RALGAPA1: variants seen among roughly 807,000 people sequenced by gnomAD.
The protein encoded by RALGAPA1 is Ral GTPase activating protein catalytic subunit alpha 1, also known as ral GTPase-activating protein subunit alpha-1.
A neutral mutation model predicts 269.6 loss-of-function variants in RALGAPA1; 52 were observed. The ratio of observed to expected loss-of-function variants is 0.19; its 90% confidence interval spans 0.15 to 0.24. The LOEUF (loss-of-function observed/expected upper bound fraction) is 0.24, where lower values mean the gene tolerates loss of function less well. Ranked by LOEUF, RALGAPA1 falls within the 10% of genes least tolerant of loss-of-function variation. The pLI is 1.00. For synonymous variants in RALGAPA1, 817 were observed against 1,008.3 expected (o/e 0.81, Z 3.60); for missense variants, 1,917 against 3,013.9 (o/e 0.64, Z 8.52).
Position 35,593,138 on chromosome 14 carries a change from A to T in RALGAPA1, c.7209+2496T>A, listed in dbSNP as rs115262352. On this transcript the variant is annotated intron_variant, in intron 37 of 41. Transcript: ENST00000680220. ...CCACAAAAACAGTGTTACAACTAAC[A>T]TATGAATTCAGTAATGGTGCAGGAT... Among the ~76,000 whole-genome samples, 657 of 152,328 alleles carry T rather than the reference A, an allele frequency of 4.3e-3. 7 individuals carry two copies. The highest frequency in any genetic ancestry group is 0.015 in the African/African-American group (632 of 41,576).
intron 39 of RALGAPA1, among the ~76,000 whole-genome samples, chr14:35,568,701 G>T (rs1003609470): frequency 1.3e-5 from 2 of 152,120 alleles, no homozygotes; most frequent in Non-Finnish European, 2.9e-5. Flanking sequence ...GCTCAGCAGG[G>T]TTCACAAAAA....
intron 5 of RALGAPA1, among the ~76,000 whole-genome samples, chr14:35,761,926 T>G (rs2073736193): frequency 6.6e-6 from 1 of 152,234 alleles, no homozygotes; most frequent in Non-Finnish European, 1.5e-5. Context: ...CAAAAGCACC[T>G]GTAATAATGT....
intron 11 of RALGAPA1, among the ~76,000 whole-genome samples, chr14:35,740,277 G>C (rs115942240): frequency 2.0e-4 from 30 of 152,274 alleles, no homozygotes; most frequent in African/African-American, 7.2e-4. Context: ...GTCTGCTCAT[G>C]TTTCTACCTC....
chr14:35,654,501 T>C (rs1302549067), intron 29 of RALGAPA1, 24 bp from the exon 30 acceptor site: 5 of 1,568,226 alleles, frequency 3.2e-6, no homozygotes, highest in Non-Finnish European at 3.4e-6. Flanking sequence ...AAAAAAGTTT[T>C]AAAAATTTTC....
At chr14:35,633,510 C>T (rs2061486037) in intron 33 of RALGAPA1, among the ~76,000 whole-genome samples, 1 of 152,102 alleles carries the variant, frequency 6.6e-6, no homozygotes, top group Non-Finnish European at 1.5e-5. Context: ...AGTCAGTACA[C>T]TTTTTCTATG....
Position 35,539,486 on chromosome 14 carries a change from A to G in RALGAPA1, c.*228T>C. The G allele has an allele frequency of 6.4e-7, 1 of 1,573,442 alleles. No individual in the cohort carries two copies. Among genetic ancestry groups the G allele is most frequent in the South Asian group, 1.2e-5 (1 of 83,528 alleles). ...CAGACATGAAGGCCTGAAAGGGTTAACCCTATGTTCGTGCTAAGGTGGCTA... is the reference window on the plus strand; with the variant it reads ...CAGACATGAAGGCCTGAAAGGGTTAGCCCTATGTTCGTGCTAAGGTGGCTA... On this transcript the variant is annotated 3_prime_UTR_variant, in exon 42 of 42. Transcript: ENST00000680220.
At chr14:35,548,416 T>C (rs1157142958) in intron 41 of RALGAPA1, 92 bp downstream of exon 41, 2 of 853,390 alleles carry the variant, frequency 2.3e-6, no homozygotes, top group Non-Finnish European at 3.6e-6. Context: ...TAAGTTTACT[T>C]ATTGTTTAAG....
intron 12 of RALGAPA1, among the ~76,000 whole-genome samples, chr14:35,729,903 G>A (rs925413874): frequency 2.0e-5 from 3 of 152,114 alleles, no homozygotes; most frequent in Admixed American, 1.3e-4. Flanking sequence ...TTGCAGCTCC[G>A]ACTTGGACAG....
rs566447498 is a variant in RALGAPA1, at chr14:35,661,807, G to A, written c.5329-2611C>T. 2.2e-4 allele frequency among the ~76,000 whole-genome samples: 33 copies of A among 152,242 alleles called. No individual in the cohort carries two copies. In the South Asian group the frequency reaches 6.6e-3, roughly 31 times the overall value. On this transcript the variant is annotated intron_variant, in intron 27 of 41. Transcript: ENST00000680220. ...TCTATGTAATATAGTCTGTCTTAAG[G>A]GCTGGAGACAAGAAGTTAGCTAAGA...
At chr14:35,692,082 A>G (rs773450992) in intron 17 of RALGAPA1, among the ~76,000 whole-genome samples, 7 of 152,138 alleles carry the variant, frequency 4.6e-5, no homozygotes, top group Non-Finnish European at 1.0e-4. Flanking sequence ...TACATCTGCC[A>G]TAAGAGATCA....
chr14:35,769,415 G>A (rs966128824), intron 4 of RALGAPA1, among the ~76,000 whole-genome samples: 4 of 152,016 alleles, frequency 2.6e-5, no homozygotes, highest in East Asian at 3.9e-4. Flanking sequence ...ACTCATGGAC[G>A]TAAAAATGGC....
Position 35,688,860 on chromosome 14 carries a change from A to AAG in RALGAPA1, c.3549_3550dup (p.Phe1184SerfsTer24). Reference sequence around the variant, plus strand: ...GCTGCTATTGCTGCTACCACTACTAAAGCCACCGAGCTTCCGCAGTCTCAT... The same window carrying AAG: ...GCTGCTATTGCTGCTACCACTACTAAAGAGCCACCGAGCTTCCGCAGTCTCAT... On this transcript the variant is annotated frameshift_variant, in exon 18 of 42. Coordinates refer to ENST00000680220, the MANE Select transcript of RALGAPA1 (RefSeq NM_001346249.2). LOFTEE classifies it high-confidence loss of function. 7.8e-7 allele frequency: 1 copy of AAG among 1,288,998 alleles called. No homozygotes were observed. Among genetic ancestry groups the AAG allele is most frequent in the Non-Finnish European group, 9.8e-7 (1 of 1,021,210 alleles). 79.8% of individuals were successfully genotyped at this position (1,288,998 alleles called of 1,614,324 possible). A position where few individuals can be genotyped will look rare whatever the true frequency, so the allele number is the denominator to read the frequency against.
At chr14:35,672,149 T>C (rs777380850) in intron 25 of RALGAPA1, among the ~76,000 whole-genome samples, 2 of 152,204 alleles carry the variant, frequency 1.3e-5, no homozygotes, top group Non-Finnish European at 2.9e-5. Context: ...ACTTGAGACA[T>C]GTTTACAAGG....
chr14:35,581,320 A>G (rs1251555979), intron 37 of RALGAPA1, among the ~76,000 whole-genome samples: 3 of 152,162 alleles, frequency 2.0e-5, no homozygotes, highest in African/African-American at 7.2e-5. Context: ...ATCAGTATAT[A>G]GAGAAATCAA....
chr14:35,693,043 A>G (rs2066623403), intron 17 of RALGAPA1, among the ~76,000 whole-genome samples: 1 of 152,010 alleles, frequency 6.6e-6, no homozygotes, highest in Non-Finnish European at 1.5e-5. Flanking sequence ...ACACAACTAC[A>G]AAGTGAGGAG....
Position 35,742,268 on chromosome 14 carries a change from C to T in RALGAPA1, c.1449+100G>A, listed in dbSNP as rs1024163270. 13 of 891,024 alleles carry T rather than the reference C, an allele frequency of 1.5e-5. No individual in the cohort carries two copies. The Admixed American group carries it at 2.2e-4, about 15-fold the overall frequency. The allele number at this position is 891,024 out of a possible 1,614,324, so 55.2% of individuals were successfully genotyped here. On this transcript the variant is annotated intron_variant, in intron 11 of 41. Transcript: ENST00000680220. ...ATATACTGAAAGATATCTTTATCTT[C>T]CCATTTAATAAGTATATTTGTGTTA...
intron 31 of RALGAPA1, among the ~76,000 whole-genome samples, chr14:35,650,760 T>C (rs1203150986): frequency 6.6e-6 from 1 of 152,120 alleles, no homozygotes; most frequent in Non-Finnish European, 1.5e-5. Flanking sequence ...ACCTGGAGAA[T>C]AGAACTCAAG....
intron 20 of RALGAPA1, 58 bp from the exon 21 acceptor site, chr14:35,684,043 G>A (rs1008003517): frequency 7.1e-6 from 10 of 1,406,918 alleles, no homozygotes; most frequent in Admixed American, 1.9e-5. Context: ...AAATATTTAC[G>A]AGAGCTAAAT....
In RALGAPA1 at chr14:35,688,505, C is replaced by T. The variant is rs544047448; in HGVS notation, c.3906G>A (p.Arg1302=). 2.6e-6 allele frequency: 4 copies of T among 1,536,108 alleles called. No individual in the cohort carries two copies. The highest frequency in any genetic ancestry group is 3.9e-5 in the Admixed American group (2 of 50,996). The stretch of plus-strand genomic sequence containing the variant: ...AGCCCATTACATGACTGTACAGATC[C>T]CTCAGTGGAGCCTCTGGTGGCATTC... The part of the protein sequence containing the change: ...QNRMPPEAPL[R]DLYSHVMGYF... Residue 1302 remains arginine (R), a synonymous_variant, in exon 18 of 42, where the codon AGG becomes AGA. Transcript: ENST00000680220.
Sources: allele counts gnomAD v4.1 joint callset (sites outside exome capture counted in the v4.1 genomes callset), GRCh38; gene constraint gnomAD v4.1.1; transcripts MANE v1.5; gene names NCBI Gene and HGNC (gene_info 2026-07-23, HGNC 2026-07-21).